Variants in EXOC4 observed in about 807,000 individuals in gnomAD.
The protein encoded by EXOC4 is exocyst complex component 4, also known as SEC8-like 1.
EXOC4 carries 71 observed loss-of-function variants against 107.2 expected under a neutral mutation model. The observed-to-expected ratio is 0.66, with a 90% CI of 0.55 to 0.81. EXOC4 has a LOEUF of 0.81. EXOC4 is among the 30% of genes least tolerant of loss of function. The pLI is 0.00. For missense variants in EXOC4, 1,108 were observed against 1,189.6 expected, an observed-to-expected ratio of 0.93 and a Z score of 1.01; for synonymous variants, 456 against 441.2, an observed-to-expected ratio of 1.03 and a Z score of -0.42.
intron 11 of EXOC4, among the ~76,000 whole-genome samples, chr7:133,882,351 G>A (rs1366420010): frequency 4.6e-5 from 7 of 152,230 alleles, no homozygotes; most frequent in African/African-American, 1.7e-4. Context: ...CCTGCTTTTT[G>A]TCCTTTCTCT....
chr7:133,636,766 T>A (rs1802722446), intron 10 of EXOC4, among the ~76,000 whole-genome samples: 1 of 152,320 alleles, frequency 6.6e-6, no homozygotes. Context: ...AATGTCTTTC[T>A]AGGTAGAGCA....
chr7:133,565,898 T>C (rs1191796576), intron 9 of EXOC4, among the ~76,000 whole-genome samples: 1 of 152,168 alleles, frequency 6.6e-6, no homozygotes, highest in East Asian at 1.9e-4. Context: ...CTGAGGAGTA[T>C]GTTGACAATC....
At chr7:133,350,669 G>A (rs1795888622) in intron 5 of EXOC4, among the ~76,000 whole-genome samples, 1 of 151,952 alleles carries the variant, frequency 6.6e-6, no homozygotes, top group African/African-American at 2.4e-5. Context: ...TGGCTATTCT[G>A]GATCCCTTGA....
intron 11 of EXOC4, among the ~76,000 whole-genome samples, chr7:133,843,698 T>C (rs1314157587): frequency 6.6e-6 from 1 of 152,162 alleles, no homozygotes; most frequent in African/African-American, 2.4e-5. Context: ...TCCAGTAATA[T>C]GTTGAATTGG....
At chr7:133,485,079 C>CAAAAAA (rs1491252321) in intron 9 of EXOC4, among the ~76,000 whole-genome samples, 5 of 27,842 alleles carry the variant, frequency 1.8e-4, no homozygotes, top group Non-Finnish European at 2.4e-4. Flanking sequence ...GACTCCGTCT[C>CAAAAAA]AAAAAATAAA....
At chr7:133,494,966 A>C (rs1414837606) in intron 9 of EXOC4, among the ~76,000 whole-genome samples, 1 of 152,126 alleles carries the variant, frequency 6.6e-6, no homozygotes, top group Non-Finnish European at 1.5e-5. Flanking sequence ...AGTAATAATA[A>C]TATACATTAT....
intron 10 of EXOC4, among the ~76,000 whole-genome samples, chr7:133,689,142 C>T (rs1470676344): frequency 1.3e-5 from 2 of 152,214 alleles, no homozygotes; most frequent in African/African-American, 4.8e-5. Context: ...GGTGATTATT[C>T]ATGATCATGA....
At chr7:133,392,131 T>C (rs11562037) in intron 7 of EXOC4, among the ~76,000 whole-genome samples, 43,359 of 152,074 alleles carry the variant, frequency 0.29, 6,466 homozygotes, top group South Asian at 0.41. Flanking sequence ...TTGAATTTCA[T>C]TGGACATTTG....
intron 14 of EXOC4, among the ~76,000 whole-genome samples, chr7:133,992,218 T>C (rs1794277911): frequency 1.3e-5 from 2 of 152,182 alleles, no homozygotes; most frequent in African/African-American, 4.8e-5. Flanking sequence ...AATTGGATTT[T>C]TTTTCTTGAT....
At position 133,751,982 on chromosome 7, in the gene EXOC4, C is replaced by CAAATAAATAAATAAATAAATAAAT. The variant is rs138557946; in HGVS notation, c.1515-65334_1515-65311dup. Among the ~76,000 whole-genome samples the CAAATAAATAAATAAATAAATAAAT allele has an allele frequency of 2.5e-3, 315 of 125,084 alleles. 1 individual carries two copies. The highest frequency in any genetic ancestry group is 4.1e-3 in the Admixed American group (53 of 12,944). 82.1% of individuals were successfully genotyped at this position (125,084 alleles called of 152,430 possible). A position where few individuals can be genotyped will look rare whatever the true frequency, so the allele number is the denominator to read the frequency against. ...CAACATAGTGAGACTATCTCTCTAC[C>CAAATAAATAAATAAATAAATAAAT]AAATAAATAAATAAATAAATAAATA... On this transcript the variant is annotated intron_variant, in intron 10 of 17. Coordinates refer to ENST00000253861, the MANE Select transcript of EXOC4 (RefSeq NM_021807.4).
intron 1 of EXOC4, among the ~76,000 whole-genome samples, chr7:133,260,062 T>C (rs1795108985): frequency 6.6e-6 from 1 of 152,152 alleles, no homozygotes; most frequent in Admixed American, 6.5e-5. Flanking sequence ...TGTAAGGATA[T>C]CCATTTCCAA....
intron 11 of EXOC4, among the ~76,000 whole-genome samples, chr7:133,847,109 C>G (rs1022173016): frequency 6.6e-6 from 1 of 152,108 alleles, no homozygotes; most frequent in Non-Finnish European, 1.5e-5. Flanking sequence ...AGGTAGTTAG[C>G]ATACCCATCA....
chr7:133,774,953 C>G (rs1796315746), intron 10 of EXOC4, among the ~76,000 whole-genome samples: 1 of 151,314 alleles, frequency 6.6e-6, no homozygotes, highest in Non-Finnish European at 1.5e-5. Context: ...ACATGGCTAA[C>G]CTGACGAAAG....
chr7:133,843,078 A>G (rs1032020841), intron 11 of EXOC4, among the ~76,000 whole-genome samples: 1 of 152,126 alleles, frequency 6.6e-6, no homozygotes, highest in African/African-American at 2.4e-5. Flanking sequence ...GTCTTGTAGT[A>G]TAGTTTGAAG....
intron 17 of EXOC4, among the ~76,000 whole-genome samples, chr7:134,061,363 C>G (rs372523748): frequency 1.3e-5 from 2 of 152,168 alleles, no homozygotes; most frequent in Non-Finnish European, 2.9e-5. Flanking sequence ...TTCTCTGATG[C>G]GTTTAGGTCC....
rs73152911 is a variant in EXOC4 at position 133,746,809 on chromosome 7, C to T, written c.1515-70516C>T. On this transcript the variant is annotated intron_variant, in intron 10 of 17. Transcript: ENST00000253861. ...AGCCAGAGATGCAGCCCATCTTTCT[C>T]GTGATTCCTCATTCAACTGCCAGAC... Among the ~76,000 whole-genome samples, 734 of 152,274 alleles carry T rather than the reference C, an allele frequency of 4.8e-3. 5 individuals carry two copies. Among genetic ancestry groups the T allele is most frequent in the Middle Eastern group, 0.01 (3 of 294 alleles).
intron 10 of EXOC4, among the ~76,000 whole-genome samples, chr7:133,753,806 G>A (rs1436014481): frequency 2.6e-5 from 4 of 152,102 alleles, no homozygotes; most frequent in South Asian, 4.1e-4. Context: ...GGAGCCTAAC[G>A]GCCTGTTTTA....
intron 17 of EXOC4, among the ~76,000 whole-genome samples, chr7:134,049,411 A>C (rs538415160): frequency 3.8e-4 from 58 of 151,686 alleles, no homozygotes; most frequent in Non-Finnish European, 6.6e-4. Flanking sequence ...TCTTCCCCAC[A>C]CCCCATGCAC....
At chr7:134,069,063 C>T (rs1796229222), downstream of EXOC4, among the ~76,000 whole-genome samples, 1 of 152,064 alleles carries the variant, frequency 6.6e-6, no homozygotes, top group Non-Finnish European at 1.5e-5. Flanking sequence ...TCTCTGTGAC[C>T]ACCCTTTCAT....
Sources: gnomAD v4.1 joint callset for allele counts (sites outside exome capture counted in the v4.1 genomes callset) on GRCh38, gnomAD v4.1.1 for gene constraint, MANE v1.5 for transcripts, NCBI Gene and HGNC (gene_info 2026-07-23, HGNC 2026-07-21) for gene names.